Variants in GPHN observed in about 807,000 individuals in gnomAD.
GPHN encodes gephyrin.
In GPHN, 17 loss-of-function variants were observed where a neutral mutation model predicts 95.5. The ratio of observed to expected loss-of-function variants is 0.18; its 90% confidence interval spans 0.12 to 0.27. The LOEUF (loss-of-function observed/expected upper bound fraction) is 0.27, where lower values mean the gene tolerates loss of function less well. Among genes scored for constraint, GPHN ranks in the 10% least tolerant of loss-of-function variants. GPHN has a pLI of 1.00. For missense variants in GPHN, 660 were observed against 978.1 expected (o/e 0.67, Z 4.34); for synonymous variants, 320 against 322.5 (o/e 0.99, Z 0.08).
intron 2 of GPHN, among the ~76,000 whole-genome samples, chr14:66,766,831 C>T (rs994365786): frequency 6.6e-6 from 1 of 152,032 alleles, no homozygotes; most frequent in Non-Finnish European, 1.5e-5. Flanking sequence ...CAAGCTGCTG[C>T]AAAACAAAGA....
the GPHN span, among the ~76,000 whole-genome samples, chr14:67,655,283 C>T: frequency 2.0e-5 from 3 of 152,162 alleles, no homozygotes; most frequent in South Asian, 6.2e-4. Context: ...GTTAAAATTG[C>T]ACTGCTGCAC....
At chr14:66,527,646 C>T (rs531657522) in intron 1 of GPHN, among the ~76,000 whole-genome samples, 1 of 152,192 alleles carries the variant, frequency 6.6e-6, no homozygotes, top group African/African-American at 2.4e-5. Flanking sequence ...AGCTGTGTCC[C>T]AGAGATTCTG....
At chr14:66,957,115 A>G (rs1596504065) in intron 8 of GPHN, among the ~76,000 whole-genome samples, 2 of 142,126 alleles carry the variant, frequency 1.4e-5, no homozygotes, top group Non-Finnish European at 3.2e-5. Flanking sequence ...AAAGTATAAT[A>G]ATAATAAAAA....
At chr14:66,872,465 A>G (rs757559392) in intron 4 of GPHN, among the ~76,000 whole-genome samples, 1 of 152,200 alleles carries the variant, frequency 6.6e-6, no homozygotes, top group Middle Eastern at 3.2e-3. Flanking sequence ...TGACCATTAT[A>G]CAGTAAAATA....
intron 1 of GPHN, among the ~76,000 whole-genome samples, chr14:66,514,795 A>T (rs961485053): frequency 6.6e-6 from 1 of 152,000 alleles, no homozygotes; most frequent in Non-Finnish European, 1.5e-5. Flanking sequence ...ATTTCCTAGG[A>T]ATTATTCTCT....
the GPHN span, among the ~76,000 whole-genome samples, chr14:67,439,557 C>A: frequency 9.6e-6 from 1 of 104,280 alleles, no homozygotes; most frequent in South Asian, 3.3e-4. Flanking sequence ...TTCTTTCTTT[C>A]TTTCTTTCTT....
chr14:67,016,834 C>T (rs577726177), intron 9 of GPHN, among the ~76,000 whole-genome samples: 1 of 152,074 alleles, frequency 6.6e-6, no homozygotes, highest in Non-Finnish European at 1.5e-5. Context: ...ATTCTTTATT[C>T]TTATTGTGCC....
At chr14:67,570,029 C>A in the GPHN span, 2 of 1,500,412 alleles carry the variant, frequency 1.3e-6, no homozygotes, top group Non-Finnish European at 1.8e-6. Flanking sequence ...AACTGCTGCA[C>A]AAAGAGGGGG....
the GPHN span, among the ~76,000 whole-genome samples, chr14:67,203,757 G>C: frequency 6.6e-6 from 1 of 152,214 alleles, no homozygotes; most frequent in African/African-American, 2.4e-5. Flanking sequence ...CTGTCACCCA[G>C]GCTGGAGTGC....
intron 10 of GPHN, among the ~76,000 whole-genome samples, chr14:67,042,708 T>C (rs1478601352): frequency 4.6e-5 from 7 of 152,230 alleles, no homozygotes; most frequent in African/African-American, 1.7e-4. Flanking sequence ...TCATTGGCTA[T>C]GTGGGCTCTT....
the GPHN span, among the ~76,000 whole-genome samples, chr14:67,428,917 T>C: frequency 6.6e-6 from 1 of 152,180 alleles, no homozygotes. Context: ...TCACGCTCTG[T>C]AAGCAGTCAG....
the GPHN span, chr14:67,646,441 A>G: frequency 1.8e-6 from 1 of 558,098 alleles, no homozygotes; most frequent in African/African-American, 1.9e-5. Context: ...TGAGAAAGCA[A>G]TACTGTGTTC....
At chr14:66,645,831 C>T (rs2064717474) in intron 1 of GPHN, among the ~76,000 whole-genome samples, 1 of 151,694 alleles carries the variant, frequency 6.6e-6, no homozygotes, top group Admixed American at 6.6e-5. Flanking sequence ...ACCCTATGAT[C>T]TCATAGGGGA....
intron 8 of GPHN, among the ~76,000 whole-genome samples, chr14:66,956,906 T>C (rs2068547610): frequency 7.2e-6 from 1 of 138,752 alleles, no homozygotes; most frequent in Non-Finnish European, 1.5e-5. Context: ...TAGGTGGGAA[T>C]TGAACAATGA....
chr14:66,509,797 G>C (rs1010962245), intron 1 of GPHN, among the ~76,000 whole-genome samples: 1 of 151,938 alleles, frequency 6.6e-6, no homozygotes, highest in Non-Finnish European at 1.5e-5. Context: ...AGGTCGAGAC[G>C]GTGCTCGAGA....
the GPHN span, among the ~76,000 whole-genome samples, chr14:67,728,704 G>GC: frequency 1.2e-4 from 1 of 8,378 alleles, no homozygotes; most frequent in South Asian, 9.8e-3. Flanking sequence ...GATATCTTGT[G>GC]GGGGGGGGGT....
intron 11 of GPHN, among the ~76,000 whole-genome samples, chr14:67,060,864 A>C (rs1040190165): frequency 6.6e-6 from 1 of 152,222 alleles, no homozygotes; most frequent in African/African-American, 2.4e-5. Context: ...ACCATTGCCC[A>C]GAGCTTGTCC....
chr14:67,128,893 A>T (rs2079512230), intron 17 of GPHN, among the ~76,000 whole-genome samples: 1 of 150,810 alleles, frequency 6.6e-6, no homozygotes, highest in South Asian at 2.1e-4. Context: ...CAGCTCACTG[A>T]AACTTCTACC....
chr14:67,196,355 T>G, the GPHN span, among the ~76,000 whole-genome samples: 3 of 152,068 alleles, frequency 2.0e-5, no homozygotes, highest in African/African-American at 7.2e-5. Context: ...TAGCTGGGAT[T>G]ACAGGCACCT....
Sources: gnomAD v4.1 joint callset for allele counts (sites outside exome capture counted in the v4.1 genomes callset) on GRCh38, gnomAD v4.1.1 for gene constraint, MANE v1.5 for transcripts, NCBI Gene and HGNC (gene_info 2026-07-23, HGNC 2026-07-21) for gene names.